MKI67: variants seen among roughly 807,000 people sequenced by gnomAD.
MKI67 encodes the protein marker of proliferation Ki-67.
Under a neutral mutation model 233.5 loss-of-function variants are expected in MKI67, and 152 were observed. The ratio of observed to expected loss-of-function variants is 0.65; its 90% CI spans 0.57 to 0.74. MKI67 has a LOEUF of 0.74. Among genes scored for constraint, MKI67 ranks in the 30% least tolerant of loss-of-function variants. The pLI is 0.00. For missense variants in MKI67, 3,940 were observed against 3,885.2 expected (o/e 1.01, Z -0.37); for synonymous variants, 1,465 against 1,418.5 (o/e 1.03, Z -0.74).
rs1196608322 is a variant in MKI67, at chr10:128,106,398, G to T, written c.5442C>A (p.Gly1814=). Residue 1814 remains glycine, a synonymous_variant, in exon 13 of 15, where the codon GGC becomes GGA. Transcript: ENST00000368654. The stretch of plus-strand genomic sequence containing the variant: ...TACGAGTTTGTAGCCGTCTATTGCT[G>T]CCAGGTAAATTTCCTGGCTGGTCCA... ...QKLDQPGNLP[G]SNRRLQTRKE... The T allele has an allele frequency of 1.2e-6, 2 of 1,613,796 alleles. No homozygotes were observed. The highest frequency in any genetic ancestry group is 3.3e-5 in the Admixed American group (2 of 59,976).
chr10:128,107,080 T>C lies in MKI67; in HGVS notation c.4760A>G (p.Asp1587Gly), dbSNP rs768241832. Reference sequence around the variant, plus strand: ...GAAGAGCTCTTTAAAGCCAGCCAGGTCTTCTAGAGCCTGGGCCTTTTCCTT... The same window carrying C: ...GAAGAGCTCTTTAAAGCCAGCCAGGCCTTCTAGAGCCTGGGCCTTTTCCTT... ...TPKEKAQALE[D>G]LAGFKELFQT... The change falls in exon 13 of 15, where the codon GAC (aspartate) becomes GGC (glycine). Residue 1587 changes from aspartate (D) to glycine (G), a missense_variant. Asp to Gly is a moderately conservative substitution (Grantham distance 94, BLOSUM62 -1). Transcript: ENST00000368654. 1.2e-6 allele frequency: 2 copies of C among 1,614,076 alleles called. No homozygotes were observed. The highest frequency in any genetic ancestry group is 1.3e-5 in the African/African-American group (1 of 75,008).
chr10:128,111,459 A>G (rs1288706025), intron 11 of MKI67, 186 bp downstream of exon 11: 1 of 560,050 alleles, frequency 1.8e-6, no homozygotes, highest in Admixed American at 3.5e-5. Context: ...AAAAATTAGC[A>G]GAGACTTGTC....
In MKI67 at chr10:128,115,368, G is replaced by A. The variant is rs141776380; in HGVS notation, c.1040C>T (p.Thr347Ile). 6.2e-7 allele frequency: 1 copy of A among 1,614,162 alleles called. No homozygotes were observed. ...FPLYEPAKMK[T>I]PVQYSQQQNS... ...TTGTTGCTGTGAATATTGTACAGGG[G>A]TCTTCATTTTAGCCGGCTCATAGAG... Residue 347 changes from threonine (T) to isoleucine (I), a missense_variant, in exon 7 of 15, where the codon ACC (threonine) becomes ATC (isoleucine). By Grantham distance (89) the Thr-to-Ile change is moderately conservative (BLOSUM62 -1). Coordinates refer to ENST00000368654, the MANE Select transcript of MKI67 (RefSeq NM_002417.5).
Position 128,115,984 on chromosome 10 carries a change from C to A in MKI67, c.424G>T (p.Ala142Ser), listed in dbSNP as rs750717044. ...TTTCCTTCAGTGATTTTTGAATAGG[C>A]CTTGGAATCTTGAGCTTTCTCATCT... ...DPDEKAQDSK[A>S]YSKITEGKVS... is the part of the protein sequence containing the mutation. Residue 142 changes from alanine to serine, a missense_variant, in exon 7 of 15, where the codon GCC (alanine) becomes TCC (serine). Coordinates refer to ENST00000368654, the MANE Select transcript of MKI67 (RefSeq NM_002417.5). 3.1e-6 allele frequency: 5 copies of A among 1,591,032 alleles called. No individual in the cohort carries two copies. The highest frequency in any genetic ancestry group is 1.8e-5 in the Admixed American group (1 of 54,940).
At chr10:128,123,919 T>C (rs1420590320) in intron 2 of MKI67, among the ~76,000 whole-genome samples, 1 of 152,216 alleles carries the variant, frequency 6.6e-6, no homozygotes, top group Non-Finnish European at 1.5e-5. Context: ...AAGAGTTTGT[T>C]AGTAGGTTCT....
rs571362332 is a variant in MKI67, at chr10:128,112,056, G to A, written c.1970-11C>T. On this transcript the variant is annotated splice_polypyrimidine_tract_variant and intron_variant, in intron 9 of 14. Coordinates refer to ENST00000368654, the MANE Select transcript of MKI67 (RefSeq NM_002417.5). ...CCCATGATTTTGCAACTGTCAAAGGGAAAAGACGAAACTTTTCAAAAATTA... is the reference window on the plus strand; with the variant it reads ...CCCATGATTTTGCAACTGTCAAAGGAAAAAGACGAAACTTTTCAAAAATTA... 3.6e-5 allele frequency: 58 copies of A among 1,608,186 alleles called. No homozygotes were observed. The highest frequency in any genetic ancestry group is 6.7e-5 in the South Asian group (6 of 90,024).
Position 128,103,750 on chromosome 10 carries a change from G to C in MKI67, c.8090C>G (p.Thr2697Ser). The change falls in exon 13 of 15, where the codon ACT (threonine) becomes AGT (serine). Residue 2697 changes from threonine to serine, a missense_variant. By Grantham distance (58) the Thr-to-Ser change is moderately conservative. Transcript: ENST00000368654. ...ETSGHTQESL[T>S]AGKATKIPCE... ...GGGTATTTTAGTGGCTTTGCCAGCA[G>C]TCAGTGATTCCTGAGTGTGACCTGA... 1 of 1,613,986 alleles carries C rather than the reference G, an allele frequency of 6.2e-7. No homozygotes were observed. The highest frequency in any genetic ancestry group is 2.2e-5 in the East Asian group (1 of 44,830).
chr10:128,104,248 T>A lies in MKI67; in HGVS notation c.7592A>T (p.Gln2531Leu), dbSNP rs754221332. The A allele has an allele frequency of 1.2e-6, 2 of 1,614,164 alleles. No individual in the cohort carries two copies. The highest frequency in any genetic ancestry group is 1.7e-6 in the Non-Finnish European group (2 of 1,180,040). The change falls in exon 13 of 15, where the codon CAG becomes CTG. Residue 2531 changes from glutamine to leucine, a missense_variant. By Grantham distance (113) the Gln-to-Leu change is moderately radical (BLOSUM62 -2). Transcript: ENST00000368654. ...TACACTTGCTGCTGGGTCCAGGATC[T>A]GCTTTGGAGACTCCTTAAACGCTTT... Reference protein sequence around the residue: ...SIKAFKESPKQILDPAASVTG... With the variant: ...SIKAFKESPKLILDPAASVTG...
chr10:128,112,563 C>T (rs1852705324), intron 8 of MKI67, 118 bp from the exon 9 acceptor site: 1 of 959,144 alleles, frequency 1.0e-6, no homozygotes, highest in Non-Finnish European at 1.6e-6. Flanking sequence ...GCATCAAATG[C>T]TTAAGCCACT....
chr10:128,118,737 C>G (rs185172576), intron 5 of MKI67, among the ~76,000 whole-genome samples: 1 of 152,212 alleles, frequency 6.6e-6, no homozygotes, highest in African/African-American at 2.4e-5. Flanking sequence ...ACCTGTTCCA[C>G]ACTGATACAC....
chr10:128,099,731 C>G (rs191486006), intron 14 of MKI67, among the ~76,000 whole-genome samples: 6 of 152,146 alleles, frequency 3.9e-5, no homozygotes, highest in African/African-American at 1.4e-4. Flanking sequence ...GGAGAGGAAC[C>G]ATGGTGAAAA....
intron 4 of MKI67, among the ~76,000 whole-genome samples, chr10:128,121,900 T>C (rs1852956284): frequency 6.6e-6 from 1 of 151,946 alleles, no homozygotes; most frequent in Non-Finnish European, 1.5e-5. Context: ...CAGGCACAAA[T>C]GTATACATTC....
Position 128,113,535 on chromosome 10 carries a change from T to C in MKI67, c.1548A>G (p.Leu516=), listed in dbSNP as rs1852727488. 4.3e-6 allele frequency: 7 copies of C among 1,614,090 alleles called. No individual in the cohort carries two copies. Among genetic ancestry groups the C allele is most frequent in the African/African-American group, 2.7e-5 (2 of 74,926 alleles). ...TATTAGGAGGCAAGTTTTCATCAAA[T>C]AGTTCAGGTCTTAGGTGCCCACCAA... ...VSFGGHLRPE[L]FDENLPPNTP... Residue 516 remains leucine, a synonymous_variant, in exon 8 of 15, where the codon CTA becomes CTG. Transcript: ENST00000368654.
In MKI67 at chr10:128,101,464, G is replaced by A. The variant is rs762813697; in HGVS notation, c.9499C>T (p.Pro3167Ser). ...CCTCCGCTCTCCTCTGCCACCTTAG[G>A]CTGGGAGCTCTCATTCTGTCTAGCA... Reference protein sequence around the residue: ...RSARQNESSQPKVAEESGGQK... With the variant: ...RSARQNESSQSKVAEESGGQK... The change falls in exon 14 of 15, where the codon CCT becomes TCT. Residue 3167 changes from proline to serine, a missense_variant. By Grantham distance (74) the Pro-to-Ser change is moderately conservative (BLOSUM62 -1). Coordinates refer to ENST00000368654, the MANE Select transcript of MKI67 (RefSeq NM_002417.5). 4 of 1,614,120 alleles carry A rather than the reference G, an allele frequency of 2.5e-6. No individual in the cohort carries two copies. The South Asian group carries it at 4.4e-5, about 18-fold the overall frequency.
Position 128,105,524 on chromosome 10 carries a change from G to A in MKI67, c.6316C>T (p.Pro2106Ser), listed in dbSNP as rs375832658. 3.1e-6 allele frequency: 5 copies of A among 1,614,054 alleles called. No individual in the cohort carries two copies. Among genetic ancestry groups the A allele is most frequent in the Middle Eastern group, 1.7e-4 (1 of 6,060 alleles). Residue 2106 changes from proline (P) to serine (S), a missense_variant, in exon 13 of 15, where the codon CCA becomes TCA. Pro to Ser is a moderately conservative substitution (Grantham distance 74). Coordinates refer to ENST00000368654, the MANE Select transcript of MKI67 (RefSeq NM_002417.5). ...DKTTKIACKSPPPESMDTPTS... is the reference protein window; with the variant it reads ...DKTTKIACKSSPPESMDTPTS... ...GGAGTGTCCATTGATTCTGGTGGTG[G>A]AGATTTGCAGGCTATTTTGGTAGTT...
chr10:128,099,491 T>C (rs865793703), intron 14 of MKI67, among the ~76,000 whole-genome samples: 3 of 152,256 alleles, frequency 2.0e-5, no homozygotes, highest in African/African-American at 4.8e-5. Context: ...GATCTTTTCA[T>C]ACAGAAGTTC....
Position 128,115,451 on chromosome 10 carries a change from C to A in MKI67, c.957G>T (p.Lys319Asn), listed in dbSNP as rs376019590. ...PEQELDQNKG[K>N]GRDVESVQTP... ...TCTGAACAGACTCCACGTCTCTTCC[C>A]TTCCCCTTGTTCTGGTCAAGCTCTT... is the stretch of plus-strand genomic sequence containing the variant. The change falls in exon 7 of 15, where the codon AAG becomes AAT. Residue 319 changes from lysine (K) to asparagine (N), a missense_variant. Transcript: ENST00000368654. The A allele has an allele frequency of 1.3e-5, 21 of 1,613,570 alleles. No homozygotes were observed. The highest frequency in any genetic ancestry group is 4.0e-5 in the African/African-American group (3 of 74,874).
intron 4 of MKI67, among the ~76,000 whole-genome samples, chr10:128,119,798 C>T (rs1053182706): frequency 2.0e-5 from 3 of 152,200 alleles, no homozygotes; most frequent in African/African-American, 7.2e-5. Flanking sequence ...TAACTACAAA[C>T]CTATATTTTA....
rs1382661610 is a variant in MKI67, at chr10:128,106,639, T to A, written c.5201A>T (p.Lys1734Ile). ...TGGCTGTGAAGCTCTGTAGGATACTTTGGTAGTTTTTTCGTTAGTCATTGA... is the reference window on the plus strand; with the variant it reads ...TGGCTGTGAAGCTCTGTAGGATACTATGGTAGTTTTTTCGTTAGTCATTGA... ...KESMTNEKTT[K>I]VSYRASQPDL... is the part of the protein sequence containing the mutation. Residue 1734 changes from lysine (K) to isoleucine (I), a missense_variant, in exon 13 of 15, where the codon AAA becomes ATA. Coordinates refer to ENST00000368654, the MANE Select transcript of MKI67 (RefSeq NM_002417.5). 6.8e-6 allele frequency: 11 copies of A among 1,614,028 alleles called. No individual in the cohort carries two copies. The highest frequency in any genetic ancestry group is 1.7e-5 in the Admixed American group (1 of 59,986).
Sources: allele counts gnomAD v4.1 joint callset (sites outside exome capture counted in the v4.1 genomes callset), GRCh38; gene constraint gnomAD v4.1.1; transcripts MANE v1.5; gene names NCBI Gene and HGNC (gene_info 2026-07-23, HGNC 2026-07-21).